The following TNFRSF8 variants were observed in gnomAD, a reference collection of about 807,000 sequenced individuals.
The protein encoded by TNFRSF8 is tumor necrosis factor receptor superfamily member 8.
Under a neutral mutation model 70.8 loss-of-function variants are expected in TNFRSF8, and 26 were observed. The ratio of observed to expected loss-of-function variants is 0.37; its 90% CI spans 0.27 to 0.51. The LOEUF (loss-of-function observed/expected upper bound fraction) is 0.51, where lower values mean the gene tolerates loss of function less well. Ranked by LOEUF, TNFRSF8 falls within the 20% of genes least tolerant of loss-of-function variation. The pLI is 0.94. For synonymous variants in TNFRSF8, 356 were observed against 339.2 expected, an observed-to-expected ratio of 1.05 and a Z score of -0.54; for missense variants, 720 against 807.9, an observed-to-expected ratio of 0.89 and a Z score of 1.32.
rs150528491 is a variant in TNFRSF8 at position 12,100,028 on chromosome 1, G to A, written c.268+2811G>A. 9.4e-4 allele frequency among the ~76,000 whole-genome samples: 143 copies of A among 152,224 alleles called. No homozygotes were observed. In the East Asian group the frequency reaches 0.022, roughly 23 times the overall value. ...TACTAAAAATACAAAAATTAGCTGG[G>A]CGTGGTGGCACGTGTCTGTAGTCCC... On this transcript the variant is annotated intron_variant, in intron 3 of 14. Transcript: ENST00000263932.
At chr1:12,083,610 C>T (rs1033993530) in intron 1 of TNFRSF8, among the ~76,000 whole-genome samples, 2 of 152,150 alleles carry the variant, frequency 1.3e-5, no homozygotes, top group African/African-American at 4.8e-5. Context: ...TCATTTAAGC[C>T]CAGGAGGTGG....
chr1:12,070,159 A>G (rs56227114), intron 1 of TNFRSF8, among the ~76,000 whole-genome samples: 74,466 of 144,848 alleles, frequency 0.51, 18,693 homozygotes, highest in Admixed American at 0.63. Context: ...GGGCTGGGGG[A>G]TTGGGGGGAG....
At chr1:12,135,455 G>A in intron 12 of TNFRSF8, 133 bp from the exon 13 acceptor site, 1 of 1,273,368 alleles carries the variant, frequency 7.9e-7, no homozygotes, top group Non-Finnish European at 1.1e-6. Flanking sequence ...GGGCTCTCCA[G>A]ACTGAGGACC....
At chr1:12,074,100 A>G (rs532577350) in intron 1 of TNFRSF8, among the ~76,000 whole-genome samples, 149 of 152,072 alleles carry the variant, frequency 9.8e-4, no homozygotes, top group African/African-American at 3.2e-3. Flanking sequence ...GGGAGGCAGG[A>G]GGGATTTCTT....
intron 8 of TNFRSF8, among the ~76,000 whole-genome samples, chr1:12,117,277 T>C (rs11569901): frequency 0.02 from 3,118 of 152,144 alleles, 54 homozygotes; most frequent in South Asian, 0.042. Flanking sequence ...GAGACGGGGT[T>C]TTGCCATGTT....
At position 12,112,704 on chromosome 1, in the gene TNFRSF8, G is replaced by A. The variant is rs1291030572; in HGVS notation, c.793+690G>A. On this transcript the variant is annotated intron_variant, in intron 7 of 14. Transcript: ENST00000263932. The surrounding 1 kb of genome is among the most constrained non-coding windows in gnomAD (Gnocchi z 5.3). The stretch of plus-strand genomic sequence containing the variant: ...AGCCACCATGCCCGGCCTGCGAGCT[G>A]TTTTGACAAGCACTTACTGAGTGCA... Among the ~76,000 whole-genome samples the A allele has an allele frequency of 6.6e-6, 1 of 152,216 alleles. No homozygotes were observed. The highest frequency in any genetic ancestry group is 2.4e-5 in the African/African-American group (1 of 41,448).
intron 2 of TNFRSF8, among the ~76,000 whole-genome samples, chr1:12,093,996 T>C (rs1260289235): frequency 6.8e-6 from 1 of 146,142 alleles, no homozygotes. Flanking sequence ...GAGGCGGAGG[T>C]TGCAGTGAGC....
chr1:12,085,665 TCCCCCA>T (rs1641141199), intron 2 of TNFRSF8, among the ~76,000 whole-genome samples: 1 of 152,142 alleles, frequency 6.6e-6, no homozygotes, highest in South Asian at 2.1e-4. Context: ...TCTGGAATGT[TCCCCCA>T]CCCCCAGCAC....
At chr1:12,129,836 A>T (rs920315265) in intron 12 of TNFRSF8, among the ~76,000 whole-genome samples, 4 of 152,094 alleles carry the variant, frequency 2.6e-5, no homozygotes, top group Admixed American at 1.3e-4. Flanking sequence ...GGTCATTACT[A>T]AGTCTTTAGG....
intron 2 of TNFRSF8, among the ~76,000 whole-genome samples, chr1:12,095,805 T>A: frequency 6.6e-6 from 1 of 152,208 alleles, no homozygotes; most frequent in East Asian, 1.9e-4. Context: ...AGAGAAATAA[T>A]TGGCTCCCTA....
At chr1:12,128,062 T>C (rs1042002701) in intron 12 of TNFRSF8, among the ~76,000 whole-genome samples, 1 of 152,184 alleles carries the variant, frequency 6.6e-6, no homozygotes, top group Non-Finnish European at 1.5e-5. Context: ...TGGACCGAGC[T>C]GGCCGGATGC....
intron 2 of TNFRSF8, among the ~76,000 whole-genome samples, chr1:12,092,246 A>G (rs1641258541): frequency 6.7e-6 from 1 of 149,106 alleles, no homozygotes; most frequent in Non-Finnish European, 1.5e-5. Context: ...TGGCATGATC[A>G]TAGCCCACTG....
At chr1:12,084,322 G>A in intron 1 of TNFRSF8, 142 bp from the exon 2 acceptor site, 1 of 751,462 alleles carries the variant, frequency 1.3e-6, no homozygotes, top group Non-Finnish European at 2.3e-6. Context: ...GGGCGGTGTG[G>A]GTTTGTGGAA....
Position 12,125,992 on chromosome 1 carries a change from G to T in TNFRSF8, c.1195G>T (p.Val399Phe). 1 of 1,614,216 alleles carries T rather than the reference G, an allele frequency of 6.2e-7. No individual in the cohort carries two copies. The highest frequency in any genetic ancestry group is 8.5e-7 in the Non-Finnish European group (1 of 1,180,042). Residue 399 changes from valine to phenylalanine, a missense_variant, in exon 11 of 15, where the codon GTC (valine) becomes TTC (phenylalanine). By Grantham distance (50) the Val-to-Phe change is conservative. Transcript: ENST00000263932. ...GGTGATCCTGGTGTTGGTTGTGGTGGTCGGCTCCAGCGCCTTCCTCCTGTG... is the reference window on the plus strand; with the variant it reads ...GGTGATCCTGGTGTTGGTTGTGGTGTTCGGCTCCAGCGCCTTCCTCCTGTG... ...FWVILVLVVVVGSSAFLLCHR... is the reference protein window; with the variant it reads ...FWVILVLVVVFGSSAFLLCHR...
Position 12,104,271 on chromosome 1 carries a change from G to A in TNFRSF8, c.269-108G>A, listed in dbSNP as rs1007563988. ...TCACCAGGGGGTTGAGCTGGGAGGCGGAGGCTGCGTTGCGGACTGCACCTG... is the reference window on the plus strand; with the variant it reads ...TCACCAGGGGGTTGAGCTGGGAGGCAGAGGCTGCGTTGCGGACTGCACCTG... On this transcript the variant is annotated intron_variant, in intron 3 of 14. Coordinates refer to ENST00000263932, the MANE Select transcript of TNFRSF8 (RefSeq NM_001243.5). 3.5e-4 allele frequency: 424 copies of A among 1,219,654 alleles called. 2 individuals carry two copies. The highest frequency in any genetic ancestry group is 1.4e-3 in the South Asian group (111 of 78,910). The allele number at this position is 1,219,654 out of a possible 1,614,324, so 75.6% of individuals were successfully genotyped here.
chr1:12,082,450 G>A (rs1247610381), intron 1 of TNFRSF8, among the ~76,000 whole-genome samples: 2 of 151,524 alleles, frequency 1.3e-5, no homozygotes, highest in Non-Finnish European at 2.9e-5. Context: ...GGAGGCTGAG[G>A]CGAAAGAGAG....
chr1:12,079,394 T>A (rs894222061), intron 1 of TNFRSF8, among the ~76,000 whole-genome samples: 1 of 151,732 alleles, frequency 6.6e-6, no homozygotes, highest in South Asian at 2.1e-4. Context: ...TCCTTGGGCT[T>A]CCCCCTCCCA....
At position 12,142,555 on chromosome 1, in the gene TNFRSF8, G is replaced by C; in HGVS notation, c.*24G>C. On this transcript the variant is annotated 3_prime_UTR_variant, in exon 15 of 15. Transcript: ENST00000263932. The surrounding 1 kb of genome is among the most constrained non-coding windows in gnomAD (Gnocchi z 5.0). ...GAGGCCTGGGCTGGGCTGGGGCTAG[G>C]AGGGCAGCAGGGTGGCCTCTGGGAG... is the stretch of plus-strand genomic sequence containing the variant. 6.4e-7 allele frequency: 1 copy of C among 1,550,936 alleles called. No homozygotes were observed. Among genetic ancestry groups the C allele is most frequent in the Non-Finnish European group, 8.7e-7 (1 of 1,146,474 alleles).
At position 12,141,514 on chromosome 1, in the gene TNFRSF8, C is replaced by T. The variant is rs570732272; in HGVS notation, c.1544-773C>T. Among the ~76,000 whole-genome samples the T allele has an allele frequency of 7.2e-5, 11 of 152,232 alleles. No homozygotes were observed. The highest frequency in any genetic ancestry group is 6.5e-4 in the Admixed American group (10 of 15,284). ...GCCATGCACGCTGCAGGCAGGAGAC[C>T]GGCTGTGAGCAGTAAGCCCCGAAAT... On this transcript the variant is annotated intron_variant, in intron 14 of 14. Coordinates refer to ENST00000263932, the MANE Select transcript of TNFRSF8 (RefSeq NM_001243.5). This position sits in a 1 kb window ranked among gnomAD's most constrained non-coding sequence, Gnocchi z 5.4.
Sources: allele counts gnomAD v4.1 joint callset (sites outside exome capture counted in the v4.1 genomes callset), GRCh38; gene constraint gnomAD v4.1.1; non-coding constraint Gnocchi (gnomAD v3.1); transcripts MANE v1.5; gene names NCBI Gene and HGNC (gene_info 2026-07-23, HGNC 2026-07-21).